Variants in PNPLA7 observed in about 807,000 individuals in gnomAD.
The protein encoded by PNPLA7 is patatin-like phospholipase domain-containing protein 7.
Under a neutral mutation model 161.7 loss-of-function variants are expected in PNPLA7, and 153 were observed. The ratio of observed to expected loss-of-function variants is 0.95; its 90% CI spans 0.83 to 1.08. The LOEUF (loss-of-function observed/expected upper bound fraction) is 1.08. Ranked by LOEUF, PNPLA7 falls within the 50% of genes least tolerant of loss-of-function variation. The pLI is 0.00. For missense variants in PNPLA7, 1,739 were observed against 1,856.6 expected, an observed-to-expected ratio of 0.94 and a Z score of 1.16; for synonymous variants, 809 against 782.1, an observed-to-expected ratio of 1.03 and a Z score of -0.57.
At chr9:137,485,691 A>C (rs927307162) in intron 20 of PNPLA7, among the ~76,000 whole-genome samples, 1 of 152,258 alleles carries the variant, frequency 6.6e-6, no homozygotes, top group Non-Finnish European at 1.5e-5. Flanking sequence ...AGCCTGGGCC[A>C]GGCCCTGGAG....
At chr9:137,531,708 T>C (rs1835590118) in intron 8 of PNPLA7, among the ~76,000 whole-genome samples, 1 of 152,188 alleles carries the variant, frequency 6.6e-6, no homozygotes, top group African/African-American at 2.4e-5. Flanking sequence ...AATCCTGGTG[T>C]GATGCCATTT....
chr9:137,461,461 T>TGGGGGGGGGGGGGGCCTGGGGGGG, intron 33 of PNPLA7, 75 bp downstream of exon 33: 3 of 1,189,072 alleles, frequency 2.5e-6, no homozygotes, highest in Non-Finnish European at 1.1e-6. Context: ...GCCTCTGGGG[T>TGGGGGGGGGGGGGGCCTGGGGGGG]GGGGGGGTTC....
At position 137,486,378 on chromosome 9, in the gene PNPLA7, C is replaced by G. The variant is rs1427425691; in HGVS notation, c.2198-1642G>C. Among the ~76,000 whole-genome samples the G allele has an allele frequency of 6.6e-6, 1 of 152,138 alleles. No individual in the cohort carries two copies. Among genetic ancestry groups the G allele is most frequent in the East Asian group, 1.9e-4 (1 of 5,188 alleles). On this transcript the variant is annotated intron_variant, in intron 20 of 34. Transcript: ENST00000406427. This position sits in a 1 kb window ranked among gnomAD's most constrained non-coding sequence, Gnocchi z 6.0. ...GAACATGGCTCGGAGAACCAGCGCA[C>G]AGCCGGCAATCATGTGCTCACAGGA...
In PNPLA7 at chr9:137,542,725, C is replaced by G. The variant is rs941681617; in HGVS notation, c.583G>C (p.Glu195Gln). 1 of 1,613,690 alleles carries G rather than the reference C, an allele frequency of 6.2e-7. No individual in the cohort carries two copies. Among genetic ancestry groups the G allele is most frequent in the Non-Finnish European group, 8.5e-7 (1 of 1,180,026 alleles). Residue 195 changes from glutamate (E) to glutamine (Q), a missense_variant, in exon 7 of 35, where the codon GAG becomes CAG. Physicochemically the swap from Glu to Gln is conservative, Grantham distance 29. Transcript: ENST00000406427. ...GGCTCCCTGGGCTGGAAGACGTGCT[C>G]CCCTTCCTGCAGCTGCACAAAGACG... ...HIVFVQLQEG[E>Q]HVFQPREPDP... is the part of the protein sequence containing the mutation.
chr9:137,509,402 C>CGGTGTGAGTGAGTTTAGCT (rs1834091306), intron 12 of PNPLA7: 1 of 114,382 alleles, frequency 8.7e-6, no homozygotes, highest in African/African-American at 4.8e-5. Context: ...TGAGTTTAGC[C>CGGTGTGAGTGAGTTTAGCT]GGCGTGAGTG....
Position 137,505,659 on chromosome 9 carries a change from G to A in PNPLA7, c.1428C>T (p.Ile476=), listed in dbSNP as rs75358302. ...GCAGGTCCTTCTTGGCAGCTCTGAA[G>A]ATGGCATCCGACTTCCTGCTGGCCA... ...ETLASRKSDA[I]FRAAKKDLLT... is the part of the protein sequence containing the mutation. Residue 476 remains isoleucine, a synonymous_variant, in exon 14 of 35, where the codon ATC becomes ATT. Coordinates refer to ENST00000406427, the MANE Select transcript of PNPLA7 (RefSeq NM_001098537.3). 968 of 1,614,126 alleles carry A rather than the reference G, an allele frequency of 6.0e-4. 25 individuals are homozygous for A. In the East Asian group the frequency reaches 0.021, roughly 35 times the overall value.
At chr9:137,542,864 G>A (rs1185469302) in intron 6 of PNPLA7, 63 bp from the exon 7 acceptor site, 5 of 1,550,450 alleles carry the variant, frequency 3.2e-6, no homozygotes, top group East Asian at 4.6e-5. Context: ...CTCTCCAAGA[G>A]TCTCGAGAGC....
Position 137,505,998 on chromosome 9 carries a change from G to C in PNPLA7, c.1311C>G (p.Ser437Arg). The C allele has an allele frequency of 6.2e-7, 1 of 1,611,434 alleles. No individual in the cohort carries two copies. Among genetic ancestry groups the C allele is most frequent in the Non-Finnish European group, 8.5e-7 (1 of 1,179,188 alleles). The change falls in exon 13 of 35, where the codon AGC becomes AGG. Residue 437 changes from serine (S) to arginine (R), a missense_variant. By Grantham distance (110) the Ser-to-Arg change is moderately radical (BLOSUM62 -1). Around this residue, in one of 6 missense-constraint regions of PNPLA7, gnomAD observed 481 missense variants for 450.0 expected, o/e 1.07. Transcript: ENST00000406427. ...VFLHSDEHPG[S>R]SVASKSRKSV... ...CAGGGCCTACCTTGCTGGCCACGGA[G>C]CTCCCGGGGTGCTCGTCCGAGTGCA...
At position 137,471,956 on chromosome 9, in the gene PNPLA7, C is replaced by T. The variant is rs941935027; in HGVS notation, c.2883-4483G>A. Among the ~76,000 whole-genome samples, 6 of 152,082 alleles carry T rather than the reference C, an allele frequency of 3.9e-5. 1 individual carries two copies. Among genetic ancestry groups the T allele is most frequent in the Non-Finnish European group, 1.5e-5 (1 of 67,988 alleles). On this transcript the variant is annotated intron_variant, in intron 25 of 34. Coordinates refer to ENST00000406427, the MANE Select transcript of PNPLA7 (RefSeq NM_001098537.3). ...AAATGGAAGGAACTAGATGACTCCTCGATGCCAAGACTGACTGTGAAGCTA... is the reference window on the plus strand; with the variant it reads ...AAATGGAAGGAACTAGATGACTCCTTGATGCCAAGACTGACTGTGAAGCTA...
chr9:137,513,905 C>T (rs1476440269), intron 12 of PNPLA7, among the ~76,000 whole-genome samples: 1 of 152,246 alleles, frequency 6.6e-6, no homozygotes, highest in East Asian at 1.9e-4. Context: ...CAGATGGAAC[C>T]GAATACAGCA....
chr9:137,470,798 A>G (rs549862075), intron 25 of PNPLA7, among the ~76,000 whole-genome samples: 1 of 152,376 alleles, frequency 6.6e-6, no homozygotes, highest in African/African-American at 2.4e-5. Context: ...GTTCATTTTA[A>G]TTTGAAAATC....
Position 137,540,808 on chromosome 9 carries a change from T to C in PNPLA7, c.667-86A>G, listed in dbSNP as rs769573967. The C allele has an allele frequency of 8.0e-6, 10 of 1,247,764 alleles. No individual in the cohort carries two copies. In the South Asian group the frequency reaches 1.1e-4, roughly 14 times the overall value. The allele number at this position is 1,247,764 out of a possible 1,614,324, so 77.3% of individuals were successfully genotyped here. Reference sequence around the variant, plus strand: ...GGAGGCTCAGCCCAGCCCAGGGCAGTGGGGCCACGGGCCTGCACCTCTGAG... The same window carrying C: ...GGAGGCTCAGCCCAGCCCAGGGCAGCGGGGCCACGGGCCTGCACCTCTGAG... On this transcript the variant is annotated intron_variant, in intron 7 of 34. Transcript: ENST00000406427. The surrounding 1 kb of genome is among the most constrained non-coding windows in gnomAD (Gnocchi z 5.1).
At position 137,468,059 on chromosome 9, in the gene PNPLA7, G is replaced by T. The variant is rs1043031062; in HGVS notation, c.2883-586C>A. ...GCTGCCTCCAGCAGGGCGTCTGAGA[G>T]GTGGTGGGAAAACTGGACTTGAGGG... On this transcript the variant is annotated intron_variant, in intron 25 of 34. Transcript: ENST00000406427. This position sits in a 1 kb window ranked among gnomAD's most constrained non-coding sequence, Gnocchi z 4.0. Among the ~76,000 whole-genome samples the T allele has an allele frequency of 6.6e-6, 1 of 152,084 alleles. No individual in the cohort carries two copies. The highest frequency in any genetic ancestry group is 1.5e-5 in the Non-Finnish European group (1 of 68,022).
At chr9:137,534,617 G>A (rs528242046) in intron 8 of PNPLA7, among the ~76,000 whole-genome samples, 102 of 152,318 alleles carry the variant, frequency 6.7e-4, no homozygotes, top group African/African-American at 2.3e-3. Context: ...AACCATGAAG[G>A]AAAGAGCCAG....
chr9:137,520,092 C>T lies in PNPLA7; in HGVS notation c.958-49G>A. On this transcript the variant is annotated intron_variant, in intron 10 of 34. Coordinates refer to ENST00000406427, the MANE Select transcript of PNPLA7 (RefSeq NM_001098537.3). This position sits in a 1 kb window ranked among gnomAD's most constrained non-coding sequence, Gnocchi z 5.2. Reference sequence around the variant, plus strand: ...GTGCCACCCCAGGAACACCCCACACCCACTGACAGGTGTGGGCTCCTCAAA... The same window carrying T: ...GTGCCACCCCAGGAACACCCCACACTCACTGACAGGTGTGGGCTCCTCAAA... 6.2e-7 allele frequency: 1 copy of T among 1,604,940 alleles called. No homozygotes were observed. Among genetic ancestry groups the T allele is most frequent in the Non-Finnish European group, 8.5e-7 (1 of 1,177,372 alleles).
intron 14 of PNPLA7, among the ~76,000 whole-genome samples, chr9:137,502,979 G>A (rs1294867096): frequency 6.6e-6 from 1 of 151,916 alleles, no homozygotes; most frequent in East Asian, 1.9e-4. Flanking sequence ...AAACAAGGTG[G>A]GCTGTGGTGT....
chr9:137,503,123 T>C (rs62590183), intron 14 of PNPLA7, among the ~76,000 whole-genome samples: 1,866 of 152,188 alleles, frequency 0.012, 24 homozygotes, highest in Middle Eastern at 0.027. Flanking sequence ...GGCTCATGCC[T>C]GTAATCCCAG....
intron 23 of PNPLA7, chr9:137,479,754 G>T (rs1832117905): frequency 1.0e-6 from 1 of 985,322 alleles, no homozygotes. Flanking sequence ...CTCGCCTGCA[G>T]CAATGGCCAG....
At position 137,478,158 on chromosome 9, in the gene PNPLA7, G is replaced by T. The variant is rs760315946; in HGVS notation, c.2764-6C>A. 6.5e-5 allele frequency: 83 copies of T among 1,286,148 alleles called. No individual in the cohort carries two copies. The highest frequency in any genetic ancestry group is 7.9e-5 in the Non-Finnish European group (80 of 1,006,794). 79.7% of individuals were successfully genotyped at this position (1,286,148 alleles called of 1,614,324 possible). ...ACATGCTTGTACATCTCCACCTGGG[G>T]GAGGAGCCGTCAGGCAGGGCTGGTG... On this transcript the variant is annotated splice_polypyrimidine_tract_variant and splice_region_variant and intron_variant, in intron 24 of 34. Transcript: ENST00000406427.
Sources: gnomAD v4.1 joint callset for allele counts (sites outside exome capture counted in the v4.1 genomes callset) on GRCh38, gnomAD v4.1.1 for gene constraint, gnomAD v4.1.1 regional missense constraint, Gnocchi (gnomAD v3.1) non-coding constraint, MANE v1.5 for transcripts, NCBI Gene and HGNC (gene_info 2026-07-23, HGNC 2026-07-21) for gene names.